Variants in YY1AP1 observed in about 807,000 individuals in gnomAD.
YY1AP1 encodes YY1 associated protein 1, also known as YY1-associated protein 1.
Under a neutral mutation model 39.9 loss-of-function variants are expected in YY1AP1, and 43 were observed. The ratio of observed to expected loss-of-function variants is 1.08; its 90% CI spans 0.84 to 1.39. The LOEUF is 1.39. YY1AP1 is among the 40% of genes most tolerant of loss of function. YY1AP1 has a pLI of 0.00. For synonymous variants in YY1AP1, 292 were observed against 331.3 expected (o/e 0.88, Z 1.29); for missense variants, 813 against 900.7 (o/e 0.90, Z 1.25).
rs369113296 is a variant in YY1AP1, at chr1:155,679,393, T to G, written c.125+16A>C. ...TCTTCCTCTATTCCAAATCTCAAGG[T>G]CTTCAACTAGCCTACCGTAGAGCTT... On this transcript the variant is annotated intron_variant, in intron 4 of 10. Coordinates refer to ENST00000355499, the MANE Select transcript of YY1AP1 (RefSeq NM_139119.3). 29 of 1,614,130 alleles carry G rather than the reference T, an allele frequency of 1.8e-5. No individual in the cohort carries two copies. The African/African-American group carries it at 3.6e-4, about 20-fold the overall frequency.
intron 2 of YY1AP1, 130 bp from the exon 3 acceptor site, chr1:155,680,586 A>C: frequency 1.3e-6 from 1 of 754,006 alleles, no homozygotes; most frequent in African/African-American, 1.7e-5. Context: ...CTTATTCCTG[A>C]GACAGGGTCT....
At chr1:155,670,674 AC>A in intron 7 of YY1AP1, 6 of 416,776 alleles carry the variant, frequency 1.4e-5, no homozygotes, top group East Asian at 4.5e-5. Context: ...ATAAAAGTTG[AC>A]TTTTTTTTTT....
intron 3 of YY1AP1, chr1:155,679,858 A>T (rs1651265295): frequency 9.5e-7 from 1 of 1,052,768 alleles, no homozygotes; most frequent in African/African-American, 1.7e-5. Flanking sequence ...GGCAATCTTT[A>T]AGGACACACC....
chr1:155,671,430 TAAA>T (rs796876942), intron 7 of YY1AP1, among the ~76,000 whole-genome samples: 1 of 139,882 alleles, frequency 7.1e-6, no homozygotes. Context: ...GACTCCATCT[TAAA>T]AAAAAAAAAA....
intron 3 of YY1AP1, chr1:155,679,945 T>C (rs1444320425): frequency 3.1e-6 from 1 of 324,950 alleles, no homozygotes; most frequent in Non-Finnish European, 5.2e-6. Context: ...TCCAGCACTT[T>C]GGGAGGTTGA....
intron 9 of YY1AP1, among the ~76,000 whole-genome samples, chr1:155,667,535 A>G (rs1033877540): frequency 1.3e-5 from 2 of 152,006 alleles, no homozygotes; most frequent in Admixed American, 1.3e-4. Context: ...ATCTAAATAA[A>G]AAAGAAGGCT....
chr1:155,674,841 A>C (rs919362324), intron 6 of YY1AP1, 169 bp downstream of exon 6: 2 of 567,442 alleles, frequency 3.5e-6, no homozygotes, highest in Non-Finnish European at 6.1e-6. Flanking sequence ...AGAAAAGAAA[A>C]AATTGAATAC....
At chr1:155,666,148 G>A (rs949631291) in intron 9 of YY1AP1, among the ~76,000 whole-genome samples, 5 of 150,940 alleles carry the variant, frequency 3.3e-5, no homozygotes, top group South Asian at 4.2e-4. Flanking sequence ...TTTTTGAGAC[G>A]GAGTCTTGCT....
intron 3 of YY1AP1, chr1:155,680,006 T>C (rs777629859): frequency 8.5e-6 from 2 of 235,640 alleles, no homozygotes; most frequent in Non-Finnish European, 1.7e-5. Context: ...CAAGACCCTG[T>C]CTCTACAAAA....
At chr1:155,670,498 C>A in intron 7 of YY1AP1, 34 bp from the exon 8 acceptor site, 2 of 1,610,214 alleles carry the variant, frequency 1.2e-6, no homozygotes, top group East Asian at 4.5e-5. Context: ...AAATCAACTT[C>A]TAGGAAAAAA....
At position 155,660,155 on chromosome 1, in the gene YY1AP1, G is replaced by A. The variant is rs145401844; in HGVS notation, c.1755C>T (p.Pro585=). The part of the protein sequence containing the change: ...QPVNAAVAQS[P]QTIPIATLLV... The stretch of plus-strand genomic sequence containing the variant: ...AGAGGGTGGCGATGGGAATAGTCTG[G>A]GGACTCTGGGCCACAGCCGCATTGA... The change falls in exon 11 of 11, where the codon CCC becomes CCT. Residue 585 remains proline, a synonymous_variant. Coordinates refer to ENST00000355499, the MANE Select transcript of YY1AP1 (RefSeq NM_139119.3). 2.2e-4 allele frequency: 351 copies of A among 1,614,164 alleles called. No individual in the cohort carries two copies. In the African/African-American group the frequency reaches 4.0e-3, roughly 18 times the overall value.
At chr1:155,679,601 C>G in intron 3 of YY1AP1, 89 bp from the exon 4 acceptor site, 9 of 1,601,096 alleles carry the variant, frequency 5.6e-6, no homozygotes, top group Non-Finnish European at 7.7e-6. Flanking sequence ...AAACTATAAA[C>G]AATACTTTAA....
At position 155,668,651 on chromosome 1, in the gene YY1AP1, G is replaced by C. The variant is rs903187354; in HGVS notation, c.855C>G (p.Asn285Lys). The C allele has an allele frequency of 6.2e-7, 1 of 1,614,180 alleles. No individual in the cohort carries two copies. The highest frequency in any genetic ancestry group is 8.5e-7 in the Non-Finnish European group (1 of 1,180,026). The part of the protein sequence containing the change: ...LTVRIKNLNM[N>K]RAPDNIIKFY... The stretch of plus-strand genomic sequence containing the variant: ...CTTTAATGATGTTGTCAGGAGCTCT[G>C]TTCATGTTGAGGTTCTTGATTCTCA... Residue 285 changes from asparagine to lysine, a missense_variant, in exon 9 of 11, where the codon AAC (asparagine) becomes AAG (lysine). Physicochemically the swap from Asn to Lys is moderately conservative, Grantham distance 94. Transcript: ENST00000355499.
intron 9 of YY1AP1, among the ~76,000 whole-genome samples, chr1:155,665,313 A>G (rs1262842306): frequency 1.3e-5 from 2 of 151,978 alleles, no homozygotes; most frequent in Non-Finnish European, 2.9e-5. Flanking sequence ...AATGTGTTCC[A>G]CTAAAGTAAA....
chr1:155,682,809 G>C (rs1258527130), intron 2 of YY1AP1, among the ~76,000 whole-genome samples: 1 of 152,054 alleles, frequency 6.6e-6, no homozygotes, highest in Non-Finnish European at 1.5e-5. Context: ...TGCTCTTCTG[G>C]GCGTGGTGGC....
intron 5 of YY1AP1, 107 bp from the exon 6 acceptor site, chr1:155,675,203 C>T (rs1346405019): frequency 4.9e-6 from 5 of 1,011,594 alleles, no homozygotes; most frequent in Admixed American, 2.1e-5. Flanking sequence ...CTCTGTCACA[C>T]AGCTTGGAGT....
chr1:155,674,855 CTT>C, intron 6 of YY1AP1, 153 bp downstream of exon 6: 1 of 637,754 alleles, frequency 1.6e-6, no homozygotes, highest in African/African-American at 1.9e-5. Flanking sequence ...TGAATACACT[CTT>C]TGTCCTTTCA....
Position 155,688,671 on chromosome 1 carries a change from G to A in YY1AP1, c.-164C>T. On this transcript the variant is annotated 5_prime_UTR_variant, in exon 1 of 11. Coordinates refer to ENST00000355499, the MANE Select transcript of YY1AP1 (RefSeq NM_139119.3). ...CCCTCACGCGTACCTTCAGCGGCGC[G>A]AGCCCAAGCCTTCTCCACCTCCTCT... The A allele has an allele frequency of 1.3e-6, 2 of 1,532,566 alleles. No individual in the cohort carries two copies. Among genetic ancestry groups the A allele is most frequent in the Non-Finnish European group, 1.7e-6 (2 of 1,146,000 alleles). 94.9% of individuals were successfully genotyped at this position (1,532,566 alleles called of 1,614,324 possible).
At chr1:155,686,900 T>G (rs1031520073) in intron 2 of YY1AP1, among the ~76,000 whole-genome samples, 3 of 151,836 alleles carry the variant, frequency 2.0e-5, no homozygotes, top group African/African-American at 4.8e-5. Flanking sequence ...ATACTCAGAT[T>G]TGCCGACAAA....
Sources: gnomAD v4.1 joint callset for allele counts (sites outside exome capture counted in the v4.1 genomes callset) on GRCh38, gnomAD v4.1.1 for gene constraint, MANE v1.5 for transcripts, NCBI Gene and HGNC (gene_info 2026-07-23, HGNC 2026-07-21) for gene names.